SETD7: variants seen among roughly 807,000 people sequenced by gnomAD.
SETD7 encodes histone-lysine N-methyltransferase SETD7.
SETD7 carries 16 observed loss-of-function variants against 41.8 expected under a neutral mutation model. That is an observed-to-expected ratio of 0.38 (90% CI 0.26 to 0.58). The LOEUF is 0.58. Ranked by LOEUF, SETD7 falls within the 20% of genes least tolerant of loss-of-function variation. SETD7 has a pLI of 0.64. For missense variants in SETD7, 346 were observed against 459.7 expected, an observed-to-expected ratio of 0.75 and a Z score of 2.26; for synonymous variants, 163 against 169.7, an observed-to-expected ratio of 0.96 and a Z score of 0.31.
chr4:139,500,648 A>G (rs758264669), intron 7 of SETD7, among the ~76,000 whole-genome samples: 26 of 152,150 alleles, frequency 1.7e-4, no homozygotes, highest in Non-Finnish European at 3.2e-4. Context: ...AGATGGGATT[A>G]CAGGCATGCA....
intron 2 of SETD7, among the ~76,000 whole-genome samples, chr4:139,538,853 A>T (rs1727709656): frequency 6.6e-6 from 1 of 152,234 alleles, no homozygotes; most frequent in Admixed American, 6.5e-5. Flanking sequence ...AATGTTGAGG[A>T]AATTAAAACA....
chr4:139,522,881 G>A (rs548790510), intron 5 of SETD7, among the ~76,000 whole-genome samples: 1 of 151,428 alleles, frequency 6.6e-6, no homozygotes, highest in Non-Finnish European at 1.5e-5. Context: ...AGCCTCCCGA[G>A]TAGCTGGGAT....
chr4:139,513,465 A>G (rs562141717), intron 7 of SETD7, among the ~76,000 whole-genome samples: 1 of 151,926 alleles, frequency 6.6e-6, no homozygotes, highest in South Asian at 2.1e-4. Flanking sequence ...GGGGCATGAT[A>G]GTAAGTACTT....
rs370495738 is a variant in SETD7 at position 139,517,985 on chromosome 4, C to T, written c.820G>A (p.Val274Ile). 6.2e-7 allele frequency: 1 copy of T among 1,613,958 alleles called. No individual in the cohort carries two copies. Among genetic ancestry groups the T allele is most frequent in the Non-Finnish European group, 8.5e-7 (1 of 1,179,992 alleles). Reference protein sequence around the residue: ...GNTLSLDEETVIDVPEPYNHV... With the variant: ...GNTLSLDEETIIDVPEPYNHV... ...TTATAGGGCTCAGGCACATCAATGA[C>T]CGTTTCTTCATCAAGGGAGAGGGTG... Residue 274 changes from valine to isoleucine, a missense_variant, in exon 7 of 8, where the codon GTC becomes ATC. Physicochemically the swap from Val to Ile is conservative, Grantham distance 29. Transcript: ENST00000274031.
chr4:139,519,008 T>C (rs945833410), intron 6 of SETD7, among the ~76,000 whole-genome samples: 3 of 152,250 alleles, frequency 2.0e-5, no homozygotes, highest in African/African-American at 7.2e-5. Flanking sequence ...TTTATTCATA[T>C]GTGATAGTCC....
chr4:139,497,269 A>T (rs188623523), intron 7 of SETD7, among the ~76,000 whole-genome samples: 284 of 152,162 alleles, frequency 1.9e-3, no homozygotes, highest in African/African-American at 5.7e-3. Context: ...AGCCTGACTA[A>T]CATGGTGAAA....
intron 3 of SETD7, among the ~76,000 whole-genome samples, chr4:139,530,356 CTTTTTT>C (rs70943427): frequency 0.16 from 19,829 of 126,932 alleles, 1,462 homozygotes; most frequent in South Asian, 0.2. Flanking sequence ...CAAATGCTGC[CTTTTTT>C]TTTTTTTTTT....
chr4:139,523,560 T>C (rs932918849), intron 4 of SETD7, 125 bp from the exon 5 acceptor site: 2 of 584,894 alleles, frequency 3.4e-6, no homozygotes, highest in Admixed American at 6.4e-5. Context: ...TTATACCAAC[T>C]AGAATGAAGT....
chr4:139,555,993 A>G lies in SETD7; in HGVS notation c.40+105T>C. ...GCAACCGGCCACCCGTGTAGGGGACAGTGGCGGCCGCGGGGCCCGGCGCCG... is the reference window on the plus strand; with the variant it reads ...GCAACCGGCCACCCGTGTAGGGGACGGTGGCGGCCGCGGGGCCCGGCGCCG... On this transcript the variant is annotated intron_variant, in intron 1 of 7. Transcript: ENST00000274031. This position sits in a 1 kb window ranked among gnomAD's most constrained non-coding sequence, Gnocchi z 4.0. The G allele has an allele frequency of 4.2e-6, 5 of 1,201,588 alleles. No individual in the cohort carries two copies. The highest frequency in any genetic ancestry group is 5.7e-6 in the Non-Finnish European group (5 of 879,888). 74.4% of individuals were successfully genotyped at this position (1,201,588 alleles called of 1,614,324 possible). A position where few individuals can be genotyped will look rare whatever the true frequency, so the allele number is the denominator to read the frequency against.
At chr4:139,513,419 CAAAA>C (rs201888132) in intron 7 of SETD7, among the ~76,000 whole-genome samples, 1 of 83,360 alleles carries the variant, frequency 1.2e-5, no homozygotes. Flanking sequence ...GACTTTGTCT[CAAAA>C]AAAAAAAAAA....
In SETD7 at chr4:139,520,321, T is replaced by A; in HGVS notation, c.718A>T (p.Thr240Ser). 6.2e-7 allele frequency: 1 copy of A among 1,610,648 alleles called. No individual in the cohort carries two copies. The highest frequency in any genetic ancestry group is 8.5e-7 in the Non-Finnish European group (1 of 1,178,132). Residue 240 changes from threonine (T) to serine (S), a missense_variant, in exon 6 of 8, where the codon ACT becomes TCT. Physicochemically the swap from Thr to Ser is moderately conservative, Grantham distance 58. This residue lies in a region of SETD7 where 266 missense variants were observed against 377.0 expected (regional missense o/e 0.71). Coordinates refer to ENST00000274031, the MANE Select transcript of SETD7 (RefSeq NM_030648.4). ...LFSKVAVGPN[T>S]VMSFYNGVRI... ...ACTCCATTATAAAAAGACATAACAG[T>A]ATTAGGTCCCACAGCTACCTTTGAA...
intron 6 of SETD7, 111 bp from the exon 7 acceptor site, chr4:139,518,153 G>GTGAGACCCT: frequency 8.5e-7 from 1 of 1,181,494 alleles, no homozygotes. Context: ...TTTGAGACAG[G>GTGAGACCCT]GTCTCACTCT....
Position 139,511,619 on chromosome 4 carries a change from T to C in SETD7, c.*44A>G. The C allele has an allele frequency of 2.5e-6, 4 of 1,612,158 alleles. No homozygotes were observed. Among genetic ancestry groups the C allele is most frequent in the Non-Finnish European group, 3.4e-6 (4 of 1,179,654 alleles). On this transcript the variant is annotated 3_prime_UTR_variant, in exon 8 of 8. Coordinates refer to ENST00000274031, the MANE Select transcript of SETD7 (RefSeq NM_030648.4). ...TTGTCAGATAAACGTAGTGCATAGA[T>C]CCAAGTTTCTATTCCAGGTCTCTGA...
At chr4:139,505,422 T>C (rs1187596181), downstream of SETD7, among the ~76,000 whole-genome samples, 1 of 151,858 alleles carries the variant, frequency 6.6e-6, no homozygotes, top group East Asian at 1.9e-4. Flanking sequence ...AACCCCGTCT[T>C]TACTAAAAAT....
intron 2 of SETD7, among the ~76,000 whole-genome samples, chr4:139,537,430 G>A (rs1480515051): frequency 6.6e-6 from 1 of 152,200 alleles, no homozygotes. Context: ...AAGTCTGCTG[G>A]TCACTGTGTT....
chr4:139,503,644 TTTGAA>T (rs1726633019), downstream of SETD7, among the ~76,000 whole-genome samples: 1 of 147,568 alleles, frequency 6.8e-6, no homozygotes, highest in East Asian at 2.2e-4. Context: ...TCTAAACTGA[TTTGAA>T]TTATTTTTAA....
At chr4:139,495,497 G>A (rs111788965), downstream of SETD7, among the ~76,000 whole-genome samples, 387 of 151,994 alleles carry the variant, frequency 2.5e-3, 1 homozygote, top group African/African-American at 8.7e-3. Flanking sequence ...GGCTGGGGAG[G>A]CCTCAGGAAA....
Position 139,509,959 on chromosome 4 carries a change from C to A in SETD7, c.*1704G>T, listed in dbSNP as rs569890138. 1.6e-4 allele frequency: 144 copies of A among 903,470 alleles called. No individual in the cohort carries two copies. The South Asian group carries it at 5.5e-3, about 34-fold the overall frequency. 56.0% of individuals were successfully genotyped at this position (903,470 alleles called of 1,614,324 possible). A position where few individuals can be genotyped will look rare whatever the true frequency, so the allele number is the denominator to read the frequency against. On this transcript the variant is annotated 3_prime_UTR_variant, in exon 8 of 8. Coordinates refer to ENST00000274031, the MANE Select transcript of SETD7 (RefSeq NM_030648.4). ...GCATGCAACCGGGTGCTCTAGGAAGCCTGGTGTTGCAAAGAAGGGAAGGGC... is the reference window on the plus strand; with the variant it reads ...GCATGCAACCGGGTGCTCTAGGAAGACTGGTGTTGCAAAGAAGGGAAGGGC...
intron 7 of SETD7, among the ~76,000 whole-genome samples, chr4:139,497,693 G>T (rs1472372625): frequency 2.0e-5 from 3 of 151,294 alleles, no homozygotes; most frequent in African/African-American, 4.9e-5. Context: ...GGGTTCAAGC[G>T]ATTCTCCTGC....
Sources: allele counts gnomAD v4.1 joint callset (sites outside exome capture counted in the v4.1 genomes callset), GRCh38; gene constraint gnomAD v4.1.1; regional missense constraint gnomAD v4.1.1; non-coding constraint Gnocchi (gnomAD v3.1); transcripts MANE v1.5; gene names NCBI Gene and HGNC (gene_info 2026-07-23, HGNC 2026-07-21).